RTN1: variants seen among roughly 807,000 people sequenced by gnomAD.
RTN1 encodes the protein reticulon 1, also known as reticulon-1.
A neutral mutation model predicts 65.5 loss-of-function variants in RTN1; 25 were observed. The ratio of observed to expected loss-of-function variants is 0.38; its 90% CI spans 0.28 to 0.53. The LOEUF (loss-of-function observed/expected upper bound fraction) is 0.53, where lower values mean the gene tolerates loss of function less well. Ranked by LOEUF, RTN1 falls within the 20% of genes least tolerant of loss-of-function variation. The pLI is 0.79. For synonymous variants in RTN1, 471 were observed against 447.6 expected (o/e 1.05, Z -0.66); for missense variants, 983 against 1,025.4 (o/e 0.96, Z 0.57).
intron 1 of RTN1, among the ~76,000 whole-genome samples, chr14:59,837,779 C>G (rs1887238843): frequency 6.6e-6 from 1 of 151,902 alleles, no homozygotes; most frequent in Non-Finnish European, 1.5e-5. Flanking sequence ...CAATCTCATA[C>G]AGTACTGCTG....
At chr14:59,737,894 A>G (rs1247565300) in intron 2 of RTN1, among the ~76,000 whole-genome samples, 4 of 152,226 alleles carry the variant, frequency 2.6e-5, no homozygotes, top group Non-Finnish European at 5.9e-5. Context: ...CTAACCTTAC[A>G]AAAACAAGCA....
chr14:59,733,167 C>T (rs1259870988), intron 2 of RTN1, among the ~76,000 whole-genome samples: 1 of 151,984 alleles, frequency 6.6e-6, no homozygotes, highest in African/African-American at 2.4e-5. Context: ...TCCCTGCTCA[C>T]TGTAACCTCC....
At chr14:59,647,272 C>G (rs1882919197) in intron 3 of RTN1, among the ~76,000 whole-genome samples, 1 of 152,184 alleles carries the variant, frequency 6.6e-6, no homozygotes, top group South Asian at 2.1e-4. Flanking sequence ...CGTATGCACC[C>G]AACACAGGGA....
intron 1 of RTN1, among the ~76,000 whole-genome samples, chr14:59,750,424 A>AT (rs1200792701): frequency 6.3e-4 from 38 of 60,102 alleles, no homozygotes; most frequent in Admixed American, 9.6e-4. Context: ...ATAATATATA[A>AT]TATATCTATA....
At chr14:59,838,698 A>G (rs1043260426) in intron 1 of RTN1, among the ~76,000 whole-genome samples, 1 of 152,168 alleles carries the variant, frequency 6.6e-6, no homozygotes, top group Non-Finnish European at 1.5e-5. Context: ...ACATACCAAA[A>G]TATCAATTTA....
At chr14:59,628,356 A>G (rs921426732) in intron 3 of RTN1, among the ~76,000 whole-genome samples, 2 of 152,180 alleles carry the variant, frequency 1.3e-5, no homozygotes, top group East Asian at 1.9e-4. Flanking sequence ...GTTAAGCACA[A>G]CTGTTTTTGA....
At chr14:59,629,482 A>T (rs1034388122) in intron 3 of RTN1, among the ~76,000 whole-genome samples, 3 of 152,234 alleles carry the variant, frequency 2.0e-5, no homozygotes, top group Non-Finnish European at 4.4e-5. Flanking sequence ...GGGATGCTGC[A>T]AAACCCTGCA....
chr14:59,720,026 G>C lies in RTN1; in HGVS notation c.1765+6893C>G, dbSNP rs188659755. ...TTCAGGAGCTGATCAATGCCCTACTGCATGCCCAAACCAAATTTACTAGGA... is the reference window on the plus strand; with the variant it reads ...TTCAGGAGCTGATCAATGCCCTACTCCATGCCCAAACCAAATTTACTAGGA... On this transcript the variant is annotated intron_variant, in intron 3 of 8. Transcript: ENST00000267484. Among the ~76,000 whole-genome samples, 8 of 152,202 alleles carry C rather than the reference G, an allele frequency of 5.3e-5. No individual in the cohort carries two copies. In the East Asian group the frequency reaches 1.5e-3, roughly 29 times the overall value.
intron 1 of RTN1, among the ~76,000 whole-genome samples, chr14:59,762,171 G>A (rs74058791): frequency 4.9e-4 from 74 of 152,176 alleles, no homozygotes; most frequent in Admixed American, 8.5e-4. Context: ...GCATTCCATC[G>A]TAGAAAAATC....
intron 1 of RTN1, among the ~76,000 whole-genome samples, chr14:59,802,872 G>T (rs975497260): frequency 2.6e-5 from 4 of 152,050 alleles, no homozygotes; most frequent in African/African-American, 9.7e-5. Context: ...GCCAGGCCAG[G>T]TACCAGCCTT....
At chr14:59,605,808 T>C in intron 4 of RTN1, 1 of 252,238 alleles carries the variant, frequency 4.0e-6, no homozygotes, top group Non-Finnish European at 7.5e-6. Context: ...AAAAAATTAG[T>C]GCCAAATCAG....
At chr14:59,785,011 A>G (rs1439438210) in intron 1 of RTN1, among the ~76,000 whole-genome samples, 1 of 152,176 alleles carries the variant, frequency 6.6e-6, no homozygotes. Context: ...TGTTTGTCAT[A>G]TTTTATTTCC....
chr14:59,800,402 GTTT>G (rs1010424765), intron 1 of RTN1, among the ~76,000 whole-genome samples: 1 of 152,070 alleles, frequency 6.6e-6, no homozygotes, highest in Admixed American at 6.6e-5. Context: ...TGTTGTTGTT[GTTT>G]TTGTTTTTGT....
intron 3 of RTN1, among the ~76,000 whole-genome samples, chr14:59,713,516 G>A (rs1214331312): frequency 6.6e-6 from 1 of 152,200 alleles, no homozygotes. Flanking sequence ...ACCAGACTCA[G>A]ACAAGCTTCA....
chr14:59,667,232 C>A (rs1040976340), intron 3 of RTN1, among the ~76,000 whole-genome samples: 25 of 152,248 alleles, frequency 1.6e-4, no homozygotes, highest in African/African-American at 6.0e-4. Context: ...CAAACCAAAT[C>A]CAGCAGCATA....
At chr14:59,835,802 T>C (rs1372660934) in intron 1 of RTN1, among the ~76,000 whole-genome samples, 1 of 152,210 alleles carries the variant, frequency 6.6e-6, no homozygotes, top group African/African-American at 2.4e-5. Flanking sequence ...ATACAATTAA[T>C]GATAACAGGT....
At chr14:59,781,044 T>A (rs1886146044) in intron 1 of RTN1, among the ~76,000 whole-genome samples, 1 of 152,214 alleles carries the variant, frequency 6.6e-6, no homozygotes, top group Admixed American at 6.5e-5. Context: ...ATCATAATCA[T>A]AAAGAGTCCT....
Position 59,804,610 on chromosome 14 carries a change from T to C in RTN1, c.242-58129A>G, listed in dbSNP as rs372010121. ...AAAAAGTCACTGAGGGCATGAAAGA[T>C]TGTTCACATCCTGGGTTCACAAAGT... On this transcript the variant is annotated intron_variant, in intron 1 of 8. Transcript: ENST00000267484. 3.9e-5 allele frequency among the ~76,000 whole-genome samples: 6 copies of C among 152,182 alleles called. No homozygotes were observed. The South Asian group carries it at 6.2e-4, about 16-fold the overall frequency.
intron 3 of RTN1, among the ~76,000 whole-genome samples, chr14:59,643,067 A>G (rs1242930232): frequency 6.6e-6 from 1 of 152,148 alleles, no homozygotes; most frequent in African/African-American, 2.4e-5. Context: ...TGGCATTTGA[A>G]ATGTGATTGT....
Sources: allele counts gnomAD v4.1 joint callset (sites outside exome capture counted in the v4.1 genomes callset), GRCh38; gene constraint gnomAD v4.1.1; transcripts MANE v1.5; gene names NCBI Gene and HGNC (gene_info 2026-07-23, HGNC 2026-07-21).